The following CDADC1 variants were observed in gnomAD, a reference collection of about 807,000 sequenced individuals.
The protein encoded by CDADC1 is dCTP deaminase.
Under a neutral mutation model 54.9 loss-of-function variants are expected in CDADC1, and 39 were observed. The observed-to-expected ratio is 0.71, with a 90% CI of 0.55 to 0.93. The LOEUF is 0.93. Among genes scored for constraint, CDADC1 ranks in the 40% least tolerant of loss-of-function variants. The pLI, the probability that CDADC1 is intolerant of heterozygous loss-of-function variation, is 0.00. For missense variants in CDADC1, 518 were observed against 618.8 expected, an observed-to-expected ratio of 0.84 and a Z score of 1.73; for synonymous variants, 186 against 204.0, an observed-to-expected ratio of 0.91 and a Z score of 0.75.
At chr13:49,255,987 G>T in intron 3 of CDADC1, 74 bp downstream of exon 3, 1 of 1,531,810 alleles carries the variant, frequency 6.5e-7, no homozygotes, top group South Asian at 1.3e-5. Context: ...TAGAATAAAA[G>T]TGCCTCCATT....
At chr13:49,273,774 C>T (rs1321441708) in intron 5 of CDADC1, among the ~76,000 whole-genome samples, 1 of 151,932 alleles carries the variant, frequency 6.6e-6, no homozygotes, top group Admixed American at 6.6e-5. Flanking sequence ...TGTTTATGTT[C>T]GTATGAGAAG....
Position 49,250,027 on chromosome 13 carries a change from G to A in CDADC1, c.177+1062G>A, listed in dbSNP as rs886200907. Among the ~76,000 whole-genome samples, 4 of 152,170 alleles carry A rather than the reference G, an allele frequency of 2.6e-5. No homozygotes were observed. In the South Asian group the frequency reaches 8.3e-4, roughly 32 times the overall value. On this transcript the variant is annotated intron_variant, in intron 2 of 9. Coordinates refer to ENST00000251108, the MANE Select transcript of CDADC1 (RefSeq NM_030911.4). ...TTTTTTTAAAACAGAGGTAAAATGA[G>A]GGGGGTGGGGCAGAAAATTACACAT...
At chr13:49,291,323 A>G (rs1461485269) in intron 9 of CDADC1, among the ~76,000 whole-genome samples, 3 of 134,346 alleles carry the variant, frequency 2.2e-5, no homozygotes, top group East Asian at 2.1e-4. Flanking sequence ...GTGCGCCACA[A>G]CACCTGTTTA....
At chr13:49,269,863 T>C (rs2138226576) in intron 5 of CDADC1, among the ~76,000 whole-genome samples, 1 of 152,374 alleles carries the variant, frequency 6.6e-6, no homozygotes, top group Admixed American at 6.5e-5. Flanking sequence ...TATTGTTTAT[T>C]AGATACTCTA....
At chr13:49,275,558 C>T (rs1232800552) in intron 6 of CDADC1, among the ~76,000 whole-genome samples, 2 of 150,720 alleles carry the variant, frequency 1.3e-5, no homozygotes, top group Non-Finnish European at 2.9e-5. Flanking sequence ...ACAAAGTGGA[C>T]GGGACCATGA....
At chr13:49,258,246 A>AC (rs758123331) in intron 3 of CDADC1, among the ~76,000 whole-genome samples, 4 of 152,188 alleles carry the variant, frequency 2.6e-5, no homozygotes, top group Non-Finnish European at 4.4e-5. Flanking sequence ...GATATGCTGT[A>AC]TTGGGGGATA....
In CDADC1 at chr13:49,279,478, A is replaced by G. The variant is rs141370676; in HGVS notation, c.1220+959A>G. ...GAAAATCCGTGGTGTGTTTAGGAGC[A>G]TGAATATTCCAGTTAGGTTGGAATG... On this transcript the variant is annotated intron_variant, in intron 7 of 9. Coordinates refer to ENST00000251108, the MANE Select transcript of CDADC1 (RefSeq NM_030911.4). Among the ~76,000 whole-genome samples, 366 of 152,350 alleles carry G rather than the reference A, an allele frequency of 2.4e-3. 2 individuals carry two copies. Among genetic ancestry groups the G allele is most frequent in the African/African-American group, 8.3e-3 (346 of 41,582 alleles).
At chr13:49,280,805 A>AATTATTTTTATT (rs1555314933) in intron 8 of CDADC1, 107 bp downstream of exon 8, 55 of 228,276 alleles carry the variant, frequency 2.4e-4, no homozygotes, top group Non-Finnish European at 4.3e-4. Flanking sequence ...AGTTTCAACA[A>AATTATTTTTATT]ATTATTATTA....
At chr13:49,279,037 A>G (rs1039636592) in intron 7 of CDADC1, among the ~76,000 whole-genome samples, 5 of 152,170 alleles carry the variant, frequency 3.3e-5, no homozygotes, top group Non-Finnish European at 5.9e-5. Flanking sequence ...TTGTGTTACA[A>G]TGGCCTGCAG....
At chr13:49,268,385 G>A (rs1238807987) in intron 5 of CDADC1, among the ~76,000 whole-genome samples, 1 of 152,184 alleles carries the variant, frequency 6.6e-6, no homozygotes, top group Non-Finnish European at 1.5e-5. Flanking sequence ...GAGAGGCCCA[G>A]TGCAGTGGTT....
At chr13:49,258,056 C>A (rs146691453) in intron 3 of CDADC1, among the ~76,000 whole-genome samples, 6 of 152,120 alleles carry the variant, frequency 3.9e-5, no homozygotes, top group Admixed American at 2.6e-4. Context: ...TTATAAATGT[C>A]CTTCTAGTTT....
intron 5 of CDADC1, 125 bp downstream of exon 5, chr13:49,268,184 T>A: frequency 1.3e-6 from 1 of 763,452 alleles, no homozygotes; most frequent in Non-Finnish European, 2.1e-6. Flanking sequence ...TCATACAATA[T>A]AGAGAAGTTA....
chr13:49,272,109 G>C (rs1952981347), intron 5 of CDADC1, among the ~76,000 whole-genome samples: 1 of 152,078 alleles, frequency 6.6e-6, no homozygotes, highest in Non-Finnish European at 1.5e-5. Flanking sequence ...GGCTGAAACA[G>C]AAAAAGTGGC....
chr13:49,253,413 G>A (rs1952477957), intron 2 of CDADC1, among the ~76,000 whole-genome samples: 1 of 152,124 alleles, frequency 6.6e-6, no homozygotes, highest in African/African-American at 2.4e-5. Flanking sequence ...ATGCTGTAAT[G>A]CTAGTATAAA....
At position 49,278,535 on chromosome 13, in the gene CDADC1, T is replaced by C. The variant is rs1233283140; in HGVS notation, c.1220+16T>C. ...TGACATTTAGGTATGAAATCCTTCT[T>C]GGTGTACTTTTCTTTAAAATGTAGC... On this transcript the variant is annotated intron_variant, in intron 7 of 9. Coordinates refer to ENST00000251108, the MANE Select transcript of CDADC1 (RefSeq NM_030911.4). 2 of 1,454,154 alleles carry C rather than the reference T, an allele frequency of 1.4e-6. No homozygotes were observed. Among genetic ancestry groups the C allele is most frequent in the Non-Finnish European group, 1.9e-6 (2 of 1,078,660 alleles). The allele number at this position is 1,454,154 out of a possible 1,614,324, so 90.1% of individuals were successfully genotyped here.
chr13:49,248,166 C>T (rs1178318361), intron 1 of CDADC1, 47 bp downstream of exon 1: 2 of 1,451,860 alleles, frequency 1.4e-6, no homozygotes, highest in Admixed American at 2.0e-5. Flanking sequence ...TTCGCTCTGC[C>T]CTGTGCGTCT....
chr13:49,267,623 G>A lies in CDADC1; in HGVS notation c.564G>A (p.Val188=), dbSNP rs1952845964. The part of the protein sequence containing the change: ...ERLKSNSRAH[V]CVLLQPLVCY... ...TGAAGTCAAACAGTCGGGCCCATGT[G>A]TGTGTCTTACTTCAACCTTTGGTGT... Residue 188 remains valine (V), a synonymous_variant, in exon 5 of 10, where the codon GTG becomes GTA. Transcript: ENST00000251108. 2 of 1,614,174 alleles carry A rather than the reference G, an allele frequency of 1.2e-6. No individual in the cohort carries two copies. Among genetic ancestry groups the A allele is most frequent in the African/African-American group, 1.3e-5 (1 of 75,052 alleles).
chr13:49,279,009 A>G (rs1429659953), intron 7 of CDADC1, among the ~76,000 whole-genome samples: 1 of 152,182 alleles, frequency 6.6e-6, no homozygotes, highest in Non-Finnish European at 1.5e-5. Flanking sequence ...TTATGTTCAG[A>G]TACGCAAATA....
At chr13:49,274,499 TAAA>T (rs58770280) in intron 6 of CDADC1, among the ~76,000 whole-genome samples, 159 bp downstream of exon 6, 1 of 140,680 alleles carries the variant, frequency 7.1e-6, no homozygotes, top group African/African-American at 2.6e-5. Context: ...CCATCTCTAC[TAAA>T]AAAAAAAAAA....
Sources: allele counts gnomAD v4.1 joint callset (sites outside exome capture counted in the v4.1 genomes callset), GRCh38; gene constraint gnomAD v4.1.1; transcripts MANE v1.5; gene names NCBI Gene and HGNC (gene_info 2026-07-23, HGNC 2026-07-21).